Variants in MYO15A observed in about 807,000 individuals in gnomAD.
MYO15A encodes myosin XVA, also known as unconventional myosin-XV.
In MYO15A, 308 loss-of-function variants were observed where a neutral mutation model predicts 394.6. The ratio of observed to expected loss-of-function variants is 0.78; its 90% CI spans 0.71 to 0.86. MYO15A has a LOEUF of 0.86. Among genes scored for constraint, MYO15A ranks in the 40% least tolerant of loss-of-function variants. MYO15A has a pLI of 0.00. For missense variants in MYO15A, 4,606 were observed against 4,799.1 expected (o/e 0.96, Z 1.19); for synonymous variants, 1,957 against 2,003.8 (o/e 0.98, Z 0.62).
chr17:18,143,514 C>T (rs1022400784), intron 25 of MYO15A, 52 bp from the exon 26 acceptor site: 7 of 1,546,394 alleles, frequency 4.5e-6, no homozygotes, highest in South Asian at 1.2e-5. Context: ...GCCTGGGTGC[C>T]GGTCGTCACC....
At position 18,113,797 on chromosome 17, in the gene MYO15A, GACACACACAC is replaced by G. The variant is rs4025536; in HGVS notation, c.-219-4750_-219-4741del. 3.0e-3 allele frequency among the ~76,000 whole-genome samples: 412 copies of G among 138,916 alleles called. 3 individuals carry two copies. The highest frequency in any genetic ancestry group is 0.011 in the African/African-American group (370 of 35,162). 91.1% of individuals were successfully genotyped at this position (138,916 alleles called of 152,430 possible). A position where few individuals can be genotyped will look rare whatever the true frequency, so the allele number is the denominator to read the frequency against. On this transcript the variant is annotated intron_variant, in intron 1 of 65. Coordinates refer to ENST00000647165, the MANE Select transcript of MYO15A (RefSeq NM_016239.4). Reference sequence around the variant, plus strand: ...AACTTATATTCTTAGCACCTCCCCTGACACACACACACACACACACACACACACACACACA... The same window carrying G: ...AACTTATATTCTTAGCACCTCCCCTGACACACACACACACACACACACACA...
Position 18,121,120 on chromosome 17 carries a change from G to A in MYO15A, c.2320G>A (p.Ala774Thr). 1.3e-6 allele frequency: 2 copies of A among 1,507,288 alleles called. No individual in the cohort carries two copies. Among genetic ancestry groups the A allele is most frequent in the Non-Finnish European group, 1.8e-6 (2 of 1,133,040 alleles). 93.4% of individuals were successfully genotyped at this position (1,507,288 alleles called of 1,614,324 possible). A position where few individuals can be genotyped will look rare whatever the true frequency, so the allele number is the denominator to read the frequency against. ...ASRRRAWSPL[A>T]SPQPSLRSSP... ...GCGGAGGCGAGCTTGGTCACCGCTGGCCTCGCCCCAGCCCTCGCTGAGGAG... is the reference window on the plus strand; with the variant it reads ...GCGGAGGCGAGCTTGGTCACCGCTGACCTCGCCCCAGCCCTCGCTGAGGAG... Residue 774 changes from alanine to threonine, a missense_variant, in exon 2 of 66, where the codon GCC (alanine) becomes ACC (threonine). Physicochemically the swap from Ala to Thr is moderately conservative, Grantham distance 58. Coordinates refer to ENST00000647165, the MANE Select transcript of MYO15A (RefSeq NM_016239.4). This position sits in a 1 kb window ranked among gnomAD's most constrained non-coding sequence, Gnocchi z 5.3.
Position 18,154,735 on chromosome 17 carries a change from T to C in MYO15A, c.8204T>C (p.Leu2735Pro). Residue 2735 changes from leucine (L) to proline (P), a missense_variant, in exon 45 of 66, where the codon CTC becomes CCC. Leu to Pro is a moderately conservative substitution (Grantham distance 98). Transcript: ENST00000647165. The stretch of plus-strand genomic sequence containing the variant: ...CTTCGCATCTCTGAGGATGAGAGGC[T>C]CAGGATGAAGGCCTTGTTTGGTATC... ...ACLRISEDER[L>P]RMKALFAQNQ... The C allele has an allele frequency of 6.2e-7, 1 of 1,613,556 alleles. No individual in the cohort carries two copies. Among genetic ancestry groups the C allele is most frequent in the Non-Finnish European group, 8.5e-7 (1 of 1,179,940 alleles).
intron 22 of MYO15A, 80 bp downstream of exon 22, chr17:18,141,223 A>G: frequency 1.3e-6 from 2 of 1,598,442 alleles, no homozygotes; most frequent in Non-Finnish European, 1.7e-6. Context: ...CAACCCAGGC[A>G]GTACAGGGCT....
intron 63 of MYO15A, 33 bp from the exon 64 acceptor site, chr17:18,172,124 A>T: frequency 6.2e-7 from 1 of 1,613,850 alleles, no homozygotes; most frequent in Non-Finnish European, 8.5e-7. Flanking sequence ...AGCCCTGCCC[A>T]GCACGTAACT....
At chr17:18,126,723 C>G in intron 5 of MYO15A, 68 bp from the exon 6 acceptor site, 2 of 1,524,202 alleles carry the variant, frequency 1.3e-6, no homozygotes, top group Non-Finnish European at 1.8e-6. Context: ...ACGGATGCTC[C>G]CTGCCCAATC....
At position 18,150,105 on chromosome 17, in the gene MYO15A, T is replaced by G; in HGVS notation, c.7213-324T>G. The G allele has an allele frequency of 2.4e-6, 1 of 413,908 alleles. No individual in the cohort carries two copies. Among genetic ancestry groups the G allele is most frequent in the Non-Finnish European group, 4.5e-6 (1 of 221,318 alleles). 25.6% of individuals were successfully genotyped at this position (413,908 alleles called of 1,614,324 possible). A position where few individuals can be genotyped will look rare whatever the true frequency, so the allele number is the denominator to read the frequency against. On this transcript the variant is annotated intron_variant, in intron 35 of 65. Coordinates refer to ENST00000647165, the MANE Select transcript of MYO15A (RefSeq NM_016239.4). The surrounding 1 kb of genome is among the most constrained non-coding windows in gnomAD (Gnocchi z 4.4). ...ATCTCACGAGACCCCTCAGGTACCC[T>G]TACTCACTCTGGAAACTCCAGAACC... is the stretch of plus-strand genomic sequence containing the variant.
At chr17:18,146,304 A>C (rs1237139130) in intron 30 of MYO15A, among the ~76,000 whole-genome samples, 197 bp downstream of exon 30, 1 of 152,200 alleles carries the variant, frequency 6.6e-6, no homozygotes, top group Non-Finnish European at 1.5e-5. Context: ...TGCAGGGGCT[A>C]GGAGTTAGGT....
chr17:18,151,570 T>A, intron 40 of MYO15A, 43 bp downstream of exon 40: 1 of 1,611,172 alleles, frequency 6.2e-7, no homozygotes, highest in Middle Eastern at 1.7e-4. Flanking sequence ...CCCCTCACTG[T>A]ACCTGAGTGT....
intron 33 of MYO15A, 114 bp downstream of exon 33, chr17:18,149,066 T>G: frequency 6.7e-7 from 1 of 1,487,748 alleles, no homozygotes; most frequent in Non-Finnish European, 9.1e-7. Context: ...AGCCCTGAAC[T>G]TAGACTTCAG....
intron 23 of MYO15A, 90 bp downstream of exon 23, chr17:18,141,860 C>A: frequency 7.1e-7 from 1 of 1,413,054 alleles, no homozygotes; most frequent in Non-Finnish European, 1.0e-6. Context: ...CTAGAGACTG[C>A]CATCCCAGGA....
In MYO15A at chr17:18,151,142, T is replaced by C; in HGVS notation, c.7506T>C (p.Ser2502=). Residue 2502 remains serine, a synonymous_variant, in exon 39 of 66, where the codon TCT becomes TCC. Transcript: ENST00000647165. ...CAGCACCAGAGGCACAGCCGACGTC[T>C]GTAGGCACCGGTCCCCCTGCCAAAC... is the stretch of plus-strand genomic sequence containing the variant. ...KPPAPEAQPT[S]VGTGPPAKPV... 1 of 1,614,014 alleles carries C rather than the reference T, an allele frequency of 6.2e-7. No homozygotes were observed.
intron 15 of MYO15A, 107 bp downstream of exon 15, chr17:18,136,793 C>A: frequency 6.9e-7 from 1 of 1,453,440 alleles, no homozygotes; most frequent in Non-Finnish European, 9.3e-7. Flanking sequence ...GCAGCAGGTG[C>A]CATCCTCCCT....
In MYO15A at chr17:18,132,543, G is replaced by A. The variant is rs754537525; in HGVS notation, c.4297G>A (p.Glu1433Lys). ...GCAGGCCTTTAGCCTGCAAGAGGCT[G>A]AGACCTACTACTATCTGAACCAGGT... ...LRQAFSLQEA[E>K]TYYYLNQGGN... Residue 1433 changes from glutamate to lysine, a missense_variant, in exon 11 of 66, where the codon GAG becomes AAG. Glu to Lys is a moderately conservative substitution (Grantham distance 56). Coordinates refer to ENST00000647165, the MANE Select transcript of MYO15A (RefSeq NM_016239.4). This position sits in a 1 kb window ranked among gnomAD's most constrained non-coding sequence, Gnocchi z 4.6. 5.0e-6 allele frequency: 8 copies of A among 1,612,498 alleles called. No homozygotes were observed. Among genetic ancestry groups the A allele is most frequent in the Non-Finnish European group, 6.8e-6 (8 of 1,180,026 alleles).
At chr17:18,131,652 A>G in intron 10 of MYO15A, 121 bp downstream of exon 10, 3 of 1,161,786 alleles carry the variant, frequency 2.6e-6, no homozygotes, top group Non-Finnish European at 3.8e-6. Context: ...ATACATGCGT[A>G]CATGTGTACA....
intron 65 of MYO15A, chr17:18,177,967 AGCCTGGGTCACTGCCCATTGTGCACTGT>A (rs2047037753): frequency 6.6e-6 from 1 of 152,486 alleles, no homozygotes. Context: ...GGGAGCACTA[AGCCTGGGTCACTGCCCATTGTGCACTGT>A]GGGAGCCAGG....
Position 18,178,927 on chromosome 17 carries a change from G to T in MYO15A, c.*57G>T, listed in dbSNP as rs1597831275. 10 of 1,538,918 alleles carry T rather than the reference G, an allele frequency of 6.5e-6. No individual in the cohort carries two copies. The highest frequency in any genetic ancestry group is 5.7e-5 in the South Asian group (5 of 88,402). Reference sequence around the variant, plus strand: ...AGAAGACTCACTGTGTGGCCTCAGAGAAATCACTGAACCTCTCAGGATCAA... The same window carrying T: ...AGAAGACTCACTGTGTGGCCTCAGATAAATCACTGAACCTCTCAGGATCAA... On this transcript the variant is annotated 3_prime_UTR_variant, in exon 66 of 66. Coordinates refer to ENST00000647165, the MANE Select transcript of MYO15A (RefSeq NM_016239.4).
intron 62 of MYO15A, among the ~76,000 whole-genome samples, chr17:18,170,419 C>G (rs2142425740): frequency 6.6e-6 from 1 of 151,562 alleles, no homozygotes; most frequent in South Asian, 2.1e-4. Flanking sequence ...AGTGCAGTGA[C>G]CCCATCACGG....
At position 18,155,447 on chromosome 17, in the gene MYO15A, T is replaced by C. The variant is rs2046660410; in HGVS notation, c.8459+15T>C. 6.2e-7 allele frequency: 1 copy of C among 1,604,652 alleles called. No homozygotes were observed. Among genetic ancestry groups the C allele is most frequent in the African/African-American group, 1.3e-5 (1 of 74,586 alleles). ...CGTGCATACAGGTGACCAGCAGGGG[T>C]GAAGTGGGGCTGGCTGGAGACTGGG... On this transcript the variant is annotated intron_variant, in intron 47 of 65. Coordinates refer to ENST00000647165, the MANE Select transcript of MYO15A (RefSeq NM_016239.4).
Sources: allele counts gnomAD v4.1 joint callset (sites outside exome capture counted in the v4.1 genomes callset), GRCh38; gene constraint gnomAD v4.1.1; non-coding constraint Gnocchi (gnomAD v3.1); transcripts MANE v1.5; gene names NCBI Gene and HGNC (gene_info 2026-07-23, HGNC 2026-07-21).